Variants in SORCS2 observed in about 807,000 individuals in gnomAD.
SORCS2 encodes sortilin related VPS10 domain containing receptor 2, also known as VPS10 domain-containing receptor SorCS2.
SORCS2 carries 100 observed loss-of-function variants against 141.6 expected under a neutral mutation model. That is an observed-to-expected ratio of 0.71 (90% CI 0.60 to 0.83). SORCS2 has a LOEUF of 0.83. Among genes scored for constraint, SORCS2 ranks in the 40% least tolerant of loss-of-function variants. The pLI is 0.00. For synonymous variants in SORCS2, 789 were observed against 676.9 expected (o/e 1.17, Z -2.57); for missense variants, 1,646 against 1,560.2 (o/e 1.05, Z -0.93).
intron 2 of SORCS2, among the ~76,000 whole-genome samples, chr4:7,523,068 C>G (rs1200897247): frequency 7.4e-6 from 1 of 134,624 alleles, no homozygotes; most frequent in Non-Finnish European, 1.7e-5. Context: ...CTTCTCTCCC[C>G]TTTCCTTCCT....
chr4:7,567,278 C>G (rs2109697541), intron 3 of SORCS2, among the ~76,000 whole-genome samples: 1 of 152,174 alleles, frequency 6.6e-6, no homozygotes, highest in South Asian at 2.1e-4. Context: ...ATTCAGATTT[C>G]CTTAGTCTTT....
intron 1 of SORCS2, among the ~76,000 whole-genome samples, chr4:7,225,199 G>T (rs1371187897): frequency 6.6e-6 from 1 of 152,144 alleles, no homozygotes; most frequent in African/African-American, 2.4e-5. Flanking sequence ...TTCAGGGGAG[G>T]TCTCAGGGAG....
intron 3 of SORCS2, among the ~76,000 whole-genome samples, chr4:7,635,368 T>G (rs1720173500): frequency 6.6e-6 from 1 of 152,162 alleles, no homozygotes; most frequent in Non-Finnish European, 1.5e-5. Context: ...CTCTGCAACT[T>G]TTCTGTAAAT....
intron 1 of SORCS2, among the ~76,000 whole-genome samples, chr4:7,337,232 A>G (rs957683503): frequency 1.3e-5 from 2 of 152,182 alleles, no homozygotes; most frequent in East Asian, 1.9e-4. Context: ...GATTAGTCAA[A>G]CACCTACTGT....
intron 1 of SORCS2, among the ~76,000 whole-genome samples, chr4:7,350,949 C>A (rs1030098472): frequency 6.6e-6 from 1 of 152,108 alleles, no homozygotes; most frequent in Non-Finnish European, 1.5e-5. Flanking sequence ...AGGGTTAGGG[C>A]AAGGGAAGGA....
rs185225999 is a variant in SORCS2, at chr4:7,640,289, C to T, written c.813+1797C>T. On this transcript the variant is annotated intron_variant, in intron 4 of 26. Coordinates refer to ENST00000507866, the MANE Select transcript of SORCS2 (RefSeq NM_020777.3). ...GTGAGCATGTGTGGGTGTGTGTGAG[C>T]ATGTGAGTCTACATGAGTGTGTGGG... 3.8e-3 allele frequency among the ~76,000 whole-genome samples: 502 copies of T among 132,244 alleles called. 4 individuals are homozygous for T. Among genetic ancestry groups the T allele is most frequent in the African/African-American group, 0.015 (486 of 33,276 alleles). The allele number at this position is 132,244 out of a possible 152,430, so 86.8% of individuals were successfully genotyped here. A position where few individuals can be genotyped will look rare whatever the true frequency, so the allele number is the denominator to read the frequency against.
At chr4:7,302,522 C>G (rs962408183) in intron 1 of SORCS2, among the ~76,000 whole-genome samples, 1 of 152,170 alleles carries the variant, frequency 6.6e-6, no homozygotes, top group African/African-American at 2.4e-5. Flanking sequence ...TCCCCACTTT[C>G]CAGTGAGGTC....
chr4:7,667,363 C>A, intron 8 of SORCS2, 150 bp downstream of exon 8: 1 of 691,298 alleles, frequency 1.4e-6, no homozygotes, highest in East Asian at 2.6e-5. Context: ...GCTGCTCACC[C>A]CTCACACCCT....
intron 3 of SORCS2, among the ~76,000 whole-genome samples, chr4:7,563,535 G>A (rs1405063408): frequency 6.6e-6 from 1 of 152,140 alleles, no homozygotes; most frequent in Admixed American, 6.5e-5. Flanking sequence ...GATGGTCATG[G>A]CTGAATGAGA....
rs184896676 is a variant in SORCS2 at position 7,201,392 on chromosome 4, G to A, written c.480+8266G>A. Among the ~76,000 whole-genome samples, 51 of 152,346 alleles carry A rather than the reference G, an allele frequency of 3.3e-4. No individual in the cohort carries two copies. Among genetic ancestry groups the A allele is most frequent in the Non-Finnish European group, 6.0e-4 (41 of 68,030 alleles). On this transcript the variant is annotated intron_variant, in intron 1 of 26. Transcript: ENST00000507866. The surrounding 1 kb of genome is among the most constrained non-coding windows in gnomAD (Gnocchi z 4.4). ...AAAGGGCGATTTAATTTGTAGTTGC[G>A]TGAAGGTTCCTGAGAGTATTCTAAA... is the stretch of plus-strand genomic sequence containing the variant.
chr4:7,489,547 C>T (rs1731193668), intron 2 of SORCS2, among the ~76,000 whole-genome samples: 1 of 152,050 alleles, frequency 6.6e-6, no homozygotes, highest in Admixed American at 6.6e-5. Flanking sequence ...CTGGCCCCTG[C>T]AGATGTTATC....
intron 3 of SORCS2, among the ~76,000 whole-genome samples, chr4:7,554,929 A>C (rs1262656070): frequency 1.3e-5 from 2 of 152,208 alleles, no homozygotes; most frequent in African/African-American, 4.8e-5. Context: ...GAAGTAGGGC[A>C]GGTGAAGTCC....
intron 1 of SORCS2, among the ~76,000 whole-genome samples, chr4:7,279,926 T>C (rs777529536): frequency 7.0e-6 from 1 of 143,142 alleles, no homozygotes; most frequent in Non-Finnish European, 1.5e-5. Context: ...TCACCATCGC[T>C]AGGGAGACCC....
intron 1 of SORCS2, among the ~76,000 whole-genome samples, chr4:7,274,539 A>G (rs913680290): frequency 6.6e-6 from 1 of 152,110 alleles, no homozygotes; most frequent in Admixed American, 6.5e-5. Context: ...GAAGAGGAGG[A>G]GTGGAGAGTG....
intron 1 of SORCS2, among the ~76,000 whole-genome samples, chr4:7,206,084 A>G (rs1489152024): frequency 1.3e-5 from 2 of 152,106 alleles, no homozygotes; most frequent in Non-Finnish European, 2.9e-5. Flanking sequence ...ACAAAAAAAC[A>G]AAAACACCAT....
chr4:7,488,717 G>A (rs377712408), intron 2 of SORCS2, among the ~76,000 whole-genome samples: 23 of 152,356 alleles, frequency 1.5e-4, no homozygotes, highest in South Asian at 6.2e-4. Context: ...GCACGTGTCC[G>A]TCACTGGCCA....
chr4:7,682,008 T>A (rs902468589), intron 9 of SORCS2, among the ~76,000 whole-genome samples: 1 of 152,112 alleles, frequency 6.6e-6, no homozygotes, highest in Non-Finnish European at 1.5e-5. Context: ...AAACCCTCCA[T>A]GAAATAAGGA....
At chr4:7,583,759 C>G (rs1716341521) in intron 3 of SORCS2, among the ~76,000 whole-genome samples, 1 of 152,198 alleles carries the variant, frequency 6.6e-6, no homozygotes, top group South Asian at 2.1e-4. Context: ...ACCTCTTTTT[C>G]TTTATAAATT....
intron 1 of SORCS2, among the ~76,000 whole-genome samples, chr4:7,270,852 C>G (rs1230435297): frequency 6.6e-6 from 1 of 152,252 alleles, no homozygotes; most frequent in Non-Finnish European, 1.5e-5. Flanking sequence ...GAATGAAGTT[C>G]CTGGTTAGAA....
Sources: allele counts gnomAD v4.1 joint callset (sites outside exome capture counted in the v4.1 genomes callset), GRCh38; gene constraint gnomAD v4.1.1; non-coding constraint Gnocchi (gnomAD v3.1); transcripts MANE v1.5; gene names NCBI Gene and HGNC (gene_info 2026-07-23, HGNC 2026-07-21).